The following GPR39 variants were observed in gnomAD, a reference collection of about 807,000 sequenced individuals.
GPR39 encodes the protein G protein-coupled receptor 39.
In GPR39, 23 loss-of-function variants were observed where a neutral mutation model predicts 18.4. That is an observed-to-expected ratio of 1.25 (90% CI 0.90 to 1.77). The LOEUF (loss-of-function observed/expected upper bound fraction) is 1.77, where lower values mean the gene tolerates loss of function less well. GPR39 is among the 40% of genes most tolerant of loss of function. GPR39 has a pLI of 0.00. For missense variants in GPR39, 647 were observed against 602.4 expected, an observed-to-expected ratio of 1.07 and a Z score of -0.78; for synonymous variants, 280 against 257.9, an observed-to-expected ratio of 1.09 and a Z score of -0.82.
chr2:132,467,050 A>G (rs1225533104), intron 1 of GPR39, among the ~76,000 whole-genome samples: 1 of 152,138 alleles, frequency 6.6e-6, no homozygotes, highest in East Asian at 1.9e-4. Flanking sequence ...CCCTAGTAGG[A>G]GTTGTAGGCA....
intron 1 of GPR39, among the ~76,000 whole-genome samples, chr2:132,628,890 A>G (rs1337250397): frequency 6.6e-6 from 1 of 151,926 alleles, no homozygotes. Flanking sequence ...TTGAGTCCCT[A>G]CTCTGCTGTA....
At chr2:132,494,758 T>G (rs546697648) in intron 1 of GPR39, among the ~76,000 whole-genome samples, 1 of 152,352 alleles carries the variant, frequency 6.6e-6, no homozygotes, top group East Asian at 1.9e-4. Flanking sequence ...TATCCTCATC[T>G]TATTTTCCAT....
intron 1 of GPR39, among the ~76,000 whole-genome samples, chr2:132,482,336 G>T (rs950084898): frequency 4.6e-5 from 7 of 152,066 alleles, no homozygotes; most frequent in African/African-American, 1.7e-4. Flanking sequence ...ATGTTTCTCT[G>T]TTAGGTGCCC....
At chr2:132,625,897 C>T (rs971227745) in intron 1 of GPR39, among the ~76,000 whole-genome samples, 2 of 152,020 alleles carry the variant, frequency 1.3e-5, no homozygotes, top group Admixed American at 6.5e-5. Flanking sequence ...GTTGGGAGAT[C>T]GAGACCATCC....
At chr2:132,476,588 ATC>A (rs1400855336) in intron 1 of GPR39, among the ~76,000 whole-genome samples, 16 of 141,072 alleles carry the variant, frequency 1.1e-4, no homozygotes, top group Non-Finnish European at 2.4e-4. Flanking sequence ...GTGAGCCGAG[ATC>A]ATGCCACTGC....
intron 1 of GPR39, among the ~76,000 whole-genome samples, chr2:132,543,186 G>C (rs908134464): frequency 2.0e-5 from 3 of 152,230 alleles, no homozygotes. Context: ...GCAAAGAGAA[G>C]TGTCCTGAAA....
intron 1 of GPR39, among the ~76,000 whole-genome samples, chr2:132,480,199 C>G (rs138638413): frequency 6.6e-6 from 1 of 152,192 alleles, no homozygotes; most frequent in African/African-American, 2.4e-5. Flanking sequence ...TATGAGGTAT[C>G]TAAAGTTGAA....
At chr2:132,481,629 C>T (rs1427282845) in intron 1 of GPR39, among the ~76,000 whole-genome samples, 5 of 152,200 alleles carry the variant, frequency 3.3e-5, no homozygotes, top group Admixed American at 6.5e-5. Flanking sequence ...TAACACATTG[C>T]ATACATATTT....
At chr2:132,617,322 C>A (rs1340542174) in intron 1 of GPR39, among the ~76,000 whole-genome samples, 1 of 151,726 alleles carries the variant, frequency 6.6e-6, no homozygotes, top group Non-Finnish European at 1.5e-5. Context: ...GAGGATATTA[C>A]AGAGTTGTTT....
chr2:132,609,788 G>A (rs1463261704), intron 1 of GPR39, among the ~76,000 whole-genome samples: 4 of 152,202 alleles, frequency 2.6e-5, no homozygotes, highest in East Asian at 1.9e-4. Context: ...AGTCTTTCCC[G>A]CTCAACCTCA....
chr2:132,445,432 T>C (rs10197823), intron 1 of GPR39, among the ~76,000 whole-genome samples: 76,983 of 152,072 alleles, frequency 0.51, 21,173 homozygotes, highest in Non-Finnish European at 0.62. Flanking sequence ...ATTTCCATGA[T>C]GCAAGCAAGA....
intron 1 of GPR39, among the ~76,000 whole-genome samples, chr2:132,632,148 C>T (rs751845112): frequency 1.3e-5 from 2 of 152,058 alleles, no homozygotes; most frequent in Non-Finnish European, 2.9e-5. Flanking sequence ...GTTTCCTTCC[C>T]CAGGACTGTT....
chr2:132,619,189 A>G (rs6756415), intron 1 of GPR39, among the ~76,000 whole-genome samples: 6,588 of 152,262 alleles, frequency 0.043, 474 homozygotes, highest in African/African-American at 0.15. Context: ...GGTGCACACC[A>G]ACCCTCTCTT....
chr2:132,454,598 G>T (rs1276049612), intron 1 of GPR39, among the ~76,000 whole-genome samples: 3 of 152,156 alleles, frequency 2.0e-5, no homozygotes, highest in African/African-American at 7.2e-5. Context: ...TACCCATTCA[G>T]TATGATATTG....
At chr2:132,607,380 C>T (rs893531943) in intron 1 of GPR39, among the ~76,000 whole-genome samples, 1 of 152,108 alleles carries the variant, frequency 6.6e-6, no homozygotes, top group Non-Finnish European at 1.5e-5. Flanking sequence ...TTATTCTTCC[C>T]TTAAGGAGTA....
chr2:132,545,028 G>A (rs756169632), intron 1 of GPR39, among the ~76,000 whole-genome samples: 6 of 152,206 alleles, frequency 3.9e-5, no homozygotes, highest in Non-Finnish European at 5.9e-5. Context: ...GGGGAAAAGA[G>A]GTTCTTAATC....
intron 1 of GPR39, among the ~76,000 whole-genome samples, chr2:132,623,376 G>T (rs1681480667): frequency 6.6e-6 from 1 of 152,206 alleles, no homozygotes; most frequent in Non-Finnish European, 1.5e-5. Flanking sequence ...AAAAAGAAGG[G>T]CTGTGGCCAG....
At chr2:132,519,357 G>T (rs1679385623) in intron 1 of GPR39, among the ~76,000 whole-genome samples, 1 of 152,122 alleles carries the variant, frequency 6.6e-6, no homozygotes, top group South Asian at 2.1e-4. Context: ...TAGTACTGTT[G>T]CTTTGACATC....
At chr2:132,427,169 A>AT (rs541308673) in intron 1 of GPR39, among the ~76,000 whole-genome samples, 38,276 of 105,634 alleles carry the variant, frequency 0.36, 7,573 homozygotes, top group African/African-American at 0.49. Context: ...TATATATGAA[A>AT]TTTTTTTTTT....
Sources: gnomAD v4.1 joint callset for allele counts (sites outside exome capture counted in the v4.1 genomes callset) on GRCh38, gnomAD v4.1.1 for gene constraint, MANE v1.5 for transcripts, NCBI Gene and HGNC (gene_info 2026-07-23, HGNC 2026-07-21) for gene names.